LAMC3: variants seen among roughly 807,000 people sequenced by gnomAD.
The protein encoded by LAMC3 is laminin subunit gamma-3.
In LAMC3, 128 loss-of-function variants were observed where a neutral mutation model predicts 173.8. The ratio of observed to expected loss-of-function variants is 0.74; its 90% CI spans 0.64 to 0.85. The LOEUF (loss-of-function observed/expected upper bound fraction) is 0.85. LAMC3 is among the 40% of genes least tolerant of loss of function. The probability of loss-of-function intolerance (pLI) is 0.00; values close to 1 mark genes in which losing one functional copy is unlikely to be tolerated. For missense variants in LAMC3, 2,022 were observed against 2,156.0 expected, an observed-to-expected ratio of 0.94 and a Z score of 1.23; for synonymous variants, 897 against 909.1, an observed-to-expected ratio of 0.99 and a Z score of 0.24.
chr9:131,054,000 C>T (rs1834348832), intron 11 of LAMC3, among the ~76,000 whole-genome samples: 2 of 146,830 alleles, frequency 1.4e-5, no homozygotes. Context: ...GAGACCTTGT[C>T]TCTAAAAAAA....
chr9:131,040,733 C>T (rs1834035135), intron 6 of LAMC3, among the ~76,000 whole-genome samples: 1 of 152,118 alleles, frequency 6.6e-6, no homozygotes, highest in Admixed American at 6.6e-5. Flanking sequence ...GCCTCCTGCT[C>T]ATTCTTCAGG....
Position 131,052,740 on chromosome 9 carries a change from T to C in LAMC3, c.1823+57T>C, listed in dbSNP as rs541609678. On this transcript the variant is annotated intron_variant, in intron 10 of 27. Transcript: ENST00000361069. ...GAGGTGAGAGGGGTGGTCTCTGAGGTCCGGGCACATTTCAGATGCCCCTGT... is the reference window on the plus strand; with the variant it reads ...GAGGTGAGAGGGGTGGTCTCTGAGGCCCGGGCACATTTCAGATGCCCCTGT... 1.8e-3 allele frequency: 2,749 copies of C among 1,515,172 alleles called. 4 individuals are homozygous for C. The highest frequency in any genetic ancestry group is 2.4e-3 in the Non-Finnish European group (2,603 of 1,093,070). 93.9% of individuals were successfully genotyped at this position (1,515,172 alleles called of 1,614,324 possible).
At position 131,073,362 on chromosome 9, in the gene LAMC3, C is replaced by T. The variant is rs746613987; in HGVS notation, c.3494+41C>T. 16 of 1,491,620 alleles carry T rather than the reference C, an allele frequency of 1.1e-5. No homozygotes were observed. The Middle Eastern group carries it at 5.1e-4, about 48-fold the overall frequency. The allele number at this position is 1,491,620 out of a possible 1,614,324, so 92.4% of individuals were successfully genotyped here. A position where few individuals can be genotyped will look rare whatever the true frequency, so the allele number is the denominator to read the frequency against. ...TGGTGAGCTTACACCTGGCCCTTCT[C>T]CTGGGGGTTCCAGGGTCAGAGTCAG... On this transcript the variant is annotated intron_variant, in intron 20 of 27. Coordinates refer to ENST00000361069, the MANE Select transcript of LAMC3 (RefSeq NM_006059.4).
At chr9:131,052,046 C>T (rs529927075) in intron 9 of LAMC3, among the ~76,000 whole-genome samples, 16 of 152,288 alleles carry the variant, frequency 1.1e-4, no homozygotes, top group African/African-American at 3.9e-4. Flanking sequence ...GCTCACTCAG[C>T]CAGCTCACTT....
chr9:131,077,003 G>A lies in LAMC3; in HGVS notation c.3630-184G>A, dbSNP rs78078663. ...AATGTGGCCCTTTCACAGCCCGTCT[G>A]GCTCATCTGAAAGCTTCAGAGAAGC... On this transcript the variant is annotated intron_variant, in intron 21 of 27. Transcript: ENST00000361069. Among the ~76,000 whole-genome samples, 12 of 152,346 alleles carry A rather than the reference G, an allele frequency of 7.9e-5. No homozygotes were observed. The East Asian group carries it at 2.3e-3, about 29-fold the overall frequency.
chr9:131,013,485 G>A (rs866669464), intron 1 of LAMC3, among the ~76,000 whole-genome samples: 51 of 152,294 alleles, frequency 3.3e-4, no homozygotes, highest in Admixed American at 2.2e-3. Context: ...TCATTTAGCC[G>A]TTTGCTTGGT....
intron 27 of LAMC3, among the ~76,000 whole-genome samples, chr9:131,089,888 G>A (rs542989678): frequency 3.3e-5 from 5 of 152,198 alleles, no homozygotes; most frequent in African/African-American, 9.6e-5. Flanking sequence ...ACTCTTTGAC[G>A]CAAGGACAGT....
Position 131,039,218 on chromosome 9 carries a change from GGTTCCAC to G in LAMC3, c.1254_1260del (p.Phe419ArgfsTer112). The G allele has an allele frequency of 6.2e-7, 1 of 1,606,864 alleles. No homozygotes were observed. The highest frequency in any genetic ancestry group is 8.5e-7 in the Non-Finnish European group (1 of 1,179,976). ...TGGAAGTGTGACCGCTGTCTGCCCG[GGTTCCAC>G]TCGCTCAGTGAGGGAGGCTGCAGGT... On this transcript the variant is annotated frameshift_variant, in exon 6 of 28. Coordinates refer to ENST00000361069, the MANE Select transcript of LAMC3 (RefSeq NM_006059.4). LOFTEE classifies it high-confidence loss of function.
At chr9:131,085,024 T>C (rs2133348837) in intron 24 of LAMC3, among the ~76,000 whole-genome samples, 1 of 152,320 alleles carries the variant, frequency 6.6e-6, no homozygotes, top group South Asian at 2.1e-4. Flanking sequence ...AACATTTGGT[T>C]TCTGCAATGT....
intron 1 of LAMC3, among the ~76,000 whole-genome samples, chr9:131,023,262 A>G (rs957723690): frequency 3.9e-5 from 6 of 152,162 alleles, no homozygotes; most frequent in Non-Finnish European, 5.9e-5. Flanking sequence ...GCGTGGATGT[A>G]TATGTTTTCA....
At position 131,067,222 on chromosome 9, in the gene LAMC3, A is replaced by G; in HGVS notation, c.2593+17A>G. 2 of 1,612,510 alleles carry G rather than the reference A, an allele frequency of 1.2e-6. No homozygotes were observed. Among genetic ancestry groups the G allele is most frequent in the Non-Finnish European group, 1.7e-6 (2 of 1,179,260 alleles). On this transcript the variant is annotated intron_variant, in intron 14 of 27. Coordinates refer to ENST00000361069, the MANE Select transcript of LAMC3 (RefSeq NM_006059.4). ...AATGCATGCGTGAGTACCTACCTCCAGACCCCAGGGTGGCACATGGTGGGC... is the reference window on the plus strand; with the variant it reads ...AATGCATGCGTGAGTACCTACCTCCGGACCCCAGGGTGGCACATGGTGGGC...
intron 21 of LAMC3, among the ~76,000 whole-genome samples, chr9:131,076,220 C>T (rs1830123289): frequency 6.6e-6 from 1 of 152,152 alleles, no homozygotes; most frequent in African/African-American, 2.4e-5. Flanking sequence ...AGAACTGGAA[C>T]CCAGAGCAAC....
chr9:131,053,250 C>A (rs1053998700), intron 11 of LAMC3, among the ~76,000 whole-genome samples: 1 of 152,192 alleles, frequency 6.6e-6, no homozygotes. Context: ...CACCCAGACC[C>A]GCTGGGTGTG....
rs916100258 is a variant in LAMC3, at chr9:131,094,291, G to C, written c.*2504G>C. On this transcript the variant is annotated 3_prime_UTR_variant, in exon 28 of 28. Transcript: ENST00000361069. ...ATTCCAGCTTCTCAGCTTAGGTGAAGTCCCACCAACCCCCGTTCAGGATAA... is the reference window on the plus strand; with the variant it reads ...ATTCCAGCTTCTCAGCTTAGGTGAACTCCCACCAACCCCCGTTCAGGATAA... The C allele has an allele frequency of 6.6e-6, 1 of 152,256 alleles. No homozygotes were observed. Among genetic ancestry groups the C allele is most frequent in the Admixed American group, 6.5e-5 (1 of 15,270 alleles). The allele number at this position is 152,256 out of a possible 1,614,324, so 9.4% of individuals were successfully genotyped here. A position where few individuals can be genotyped will look rare whatever the true frequency, so the allele number is the denominator to read the frequency against.
intron 27 of LAMC3, 56 bp downstream of exon 27, chr9:131,087,873 G>A: frequency 7.2e-7 from 1 of 1,391,272 alleles, no homozygotes; most frequent in Non-Finnish European, 1.0e-6. Context: ...GCACCTCTAG[G>A]ATCTTCCTGT....
In LAMC3 at chr9:131,026,580, TGGGCTGCAGGTCAGGGAGGAGCG is replaced by T; in HGVS notation, c.675_678+19del. The T allele has an allele frequency of 6.3e-7, 1 of 1,594,948 alleles. No homozygotes were observed. The highest frequency in any genetic ancestry group is 8.5e-7 in the Non-Finnish European group (1 of 1,171,416). On this transcript the variant is annotated splice_donor_variant and splice_donor_5th_base_variant and coding_sequence_variant and intron_variant, in exon 2 of 28. Coordinates refer to ENST00000361069, the MANE Select transcript of LAMC3 (RefSeq NM_006059.4). LOFTEE classifies it high-confidence loss of function. The surrounding 1 kb of genome is among the most constrained non-coding windows in gnomAD (Gnocchi z 4.8). ...GCGCCTACAACTTCGAGGAGAGCCC[TGGGCTGCAGGTCAGGGAGGAGCG>T]GGGCTTCGGAGGTTGGGACGGGGTT...
In LAMC3 at chr9:131,082,146, C is replaced by A. The variant is rs1830253579; in HGVS notation, c.4015C>A (p.Leu1339Met). The change falls in exon 24 of 28, where the codon CTG (leucine) becomes ATG (methionine). Residue 1339 changes from leucine to methionine, a missense_variant. By Grantham distance (15) the Leu-to-Met change is conservative. Coordinates refer to ENST00000361069, the MANE Select transcript of LAMC3 (RefSeq NM_006059.4). ...TVTVMGARTLLADLEGMKLQF... is the reference protein window; with the variant it reads ...TVTVMGARTLMADLEGMKLQF... ...GACTGTCATGGGAGCCAGGACTCTGCTGGCTGATCTGGAAGGTACGTGAGT... is the reference window on the plus strand; with the variant it reads ...GACTGTCATGGGAGCCAGGACTCTGATGGCTGATCTGGAAGGTACGTGAGT... 1 of 1,612,832 alleles carries A rather than the reference C, an allele frequency of 6.2e-7. No homozygotes were observed.
At chr9:131,039,947 T>C (rs888668028) in intron 6 of LAMC3, among the ~76,000 whole-genome samples, 3 of 151,494 alleles carry the variant, frequency 2.0e-5, no homozygotes, top group African/African-American at 7.3e-5. Flanking sequence ...CATCACTTGA[T>C]TGAGAAAGTA....
chr9:131,022,243 C>CACACACACACACACACACACACACACAT (rs1554782478), intron 1 of LAMC3, among the ~76,000 whole-genome samples: 2 of 151,504 alleles, frequency 1.3e-5, no homozygotes, highest in Non-Finnish European at 2.9e-5. Context: ...CACACACACA[C>CACACACACACACACACACACACACACAT]ATATATATGT....
Sources: allele counts gnomAD v4.1 joint callset (sites outside exome capture counted in the v4.1 genomes callset), GRCh38; gene constraint gnomAD v4.1.1; non-coding constraint Gnocchi (gnomAD v3.1); transcripts MANE v1.5; gene names NCBI Gene and HGNC (gene_info 2026-07-23, HGNC 2026-07-21).